The following LIPT1 variants were observed in gnomAD, a reference collection of about 807,000 sequenced individuals.
LIPT1 encodes the protein lipoyl amidotransferase LIPT1, mitochondrial.
LIPT1 carries 22 observed loss-of-function variants against 25.1 expected under a neutral mutation model. That is an observed-to-expected ratio of 0.88 (90% CI 0.63 to 1.25). LIPT1 has a LOEUF of 1.25. LIPT1 is among the 50% of genes most tolerant of loss of function. LIPT1 has a pLI of 0.00. For missense variants in LIPT1, 399 were observed against 432.8 expected, an observed-to-expected ratio of 0.92 and a Z score of 0.69; for synonymous variants, 131 against 150.8, an observed-to-expected ratio of 0.87 and a Z score of 0.96.
At chr2:99,159,021 C>T (rs1417221163) in intron 1 of LIPT1, among the ~76,000 whole-genome samples, 3 of 152,184 alleles carry the variant, frequency 2.0e-5, no homozygotes, top group African/African-American at 7.2e-5. Context: ...CTCCGCCTCC[C>T]GGGTTCACAC....
chr2:99,161,692 T>C (rs925941393), intron 1 of LIPT1: 2 of 321,088 alleles, frequency 6.2e-6, no homozygotes, highest in Non-Finnish European at 1.1e-5. Flanking sequence ...AAAAAAGATA[T>C]ATTACATAAT....
intron 1 of LIPT1, among the ~76,000 whole-genome samples, chr2:99,157,314 G>A (rs551078210): frequency 6.6e-6 from 1 of 152,272 alleles, no homozygotes; most frequent in South Asian, 2.1e-4. Flanking sequence ...GCCCCTACCT[G>A]AACTCTGGAT....
At chr2:99,156,964 C>T (rs1164550819) in intron 1 of LIPT1, among the ~76,000 whole-genome samples, 1 of 152,222 alleles carries the variant, frequency 6.6e-6, no homozygotes, top group Non-Finnish European at 1.5e-5. Flanking sequence ...AGGGAGAACC[C>T]TGTCATAACA....
chr2:99,162,938 AAATTC>A lies in LIPT1; in HGVS notation c.984_988del (p.Asn328LysfsTer6), dbSNP rs760268246. On this transcript the variant is annotated frameshift_variant, in exon 2 of 2. Coordinates refer to ENST00000651691, the MANE Select transcript of LIPT1 (RefSeq NM_145199.3). LOFTEE classifies it high-confidence loss of function. ...TGCCATTGGAAATACGTGACAAATT[AAATTC>A]AAGTCTTATTGGCAGTAAGTTTTGC... 6.2e-7 allele frequency: 1 copy of A among 1,613,958 alleles called. No individual in the cohort carries two copies. The highest frequency in any genetic ancestry group is 8.5e-7 in the Non-Finnish European group (1 of 1,179,970).
chr2:99,158,002 G>A (rs2632285), intron 1 of LIPT1, among the ~76,000 whole-genome samples: 141,130 of 152,270 alleles, frequency 0.93, 65,675 homozygotes, highest in Middle Eastern at 1. Flanking sequence ...ACTTTCTTCA[G>A]TGCCAGGCAC....
chr2:99,155,878 A>T (rs1298127462), intron 1 of LIPT1, among the ~76,000 whole-genome samples: 1 of 152,222 alleles, frequency 6.6e-6, no homozygotes, highest in Non-Finnish European at 1.5e-5. Context: ...CGTTCATATC[A>T]TGTAACTCAG....
Position 99,155,039 on chromosome 2 carries a change from C to T in LIPT1, c.-14C>T, listed in dbSNP as rs533919549. 1.1e-3 allele frequency: 483 copies of T among 455,834 alleles called. 3 individuals are homozygous for T. Among genetic ancestry groups the T allele is most frequent in the Non-Finnish European group, 1.7e-3 (377 of 226,712 alleles). 28.2% of individuals were successfully genotyped at this position (455,834 alleles called of 1,614,324 possible). A position where few individuals can be genotyped will look rare whatever the true frequency, so the allele number is the denominator to read the frequency against. On this transcript the variant is annotated 5_prime_UTR_variant, in exon 1 of 2. Transcript: ENST00000651691. Reference sequence around the variant, plus strand: ...AGCCCTCACGAGGCCGTGGGTACGACCGGAAGCCGCAGGTGGGTGAAGCGG... The same window carrying T: ...AGCCCTCACGAGGCCGTGGGTACGATCGGAAGCCGCAGGTGGGTGAAGCGG...
chr2:99,158,600 A>G (rs965419370), intron 1 of LIPT1, among the ~76,000 whole-genome samples: 3 of 152,142 alleles, frequency 2.0e-5, no homozygotes, highest in Admixed American at 6.5e-5. Flanking sequence ...GTTCTTTATA[A>G]TCTAACATCT....
chr2:99,162,509 T>G lies in LIPT1; in HGVS notation c.552T>G (p.Thr184=). ...ACCATTGCACTTTATTATGTAGTAC[T>G]GATGGGACGTTCTTGTCTTCTTTGC... ...AYHHCTLLCS[T]DGTFLSSLLK... The change falls in exon 2 of 2, where the codon ACT becomes ACG. Residue 184 remains threonine, a synonymous_variant. Transcript: ENST00000651691. The G allele has an allele frequency of 6.2e-7, 1 of 1,614,162 alleles. No individual in the cohort carries two copies.
intron 1 of LIPT1, among the ~76,000 whole-genome samples, chr2:99,161,123 C>G (rs1376290806): frequency 2.7e-5 from 4 of 150,662 alleles, no homozygotes; most frequent in Non-Finnish European, 5.9e-5. Context: ...AATTTAGCCA[C>G]ACGTGGTGGC....
In LIPT1 at chr2:99,162,007, G is replaced by A; in HGVS notation, c.50G>A (p.Cys17Tyr). The A allele has an allele frequency of 6.2e-7, 1 of 1,613,116 alleles. No individual in the cohort carries two copies. The highest frequency in any genetic ancestry group is 2.2e-5 in the East Asian group (1 of 44,838). ...MKNCFQLLCN[C>Y]QVPAAGFKKT... ...AATTGCTTCCAGTTACTTTGTAACT[G>A]CCAGGTCCCAGCAGCTGGCTTTAAA... The change falls in exon 2 of 2, where the codon TGC becomes TAC. Residue 17 changes from cysteine (C) to tyrosine (Y), a missense_variant. Coordinates refer to ENST00000651691, the MANE Select transcript of LIPT1 (RefSeq NM_145199.3).
At chr2:99,158,429 C>CA (rs753259893) in intron 1 of LIPT1, among the ~76,000 whole-genome samples, 82,968 of 97,116 alleles carry the variant, frequency 0.85, 35,180 homozygotes, top group Middle Eastern at 0.93. Context: ...TTCATCTCTA[C>CA]AAAAAAAAAA....
At chr2:99,160,539 T>C (rs2093779431) in intron 1 of LIPT1, among the ~76,000 whole-genome samples, 1 of 152,256 alleles carries the variant, frequency 6.6e-6, no homozygotes, top group Non-Finnish European at 1.5e-5. Flanking sequence ...TGGAATAGAA[T>C]GATTTAAGAC....
rs184808378 is a variant in LIPT1, at chr2:99,158,901, T to A, written c.-1-3056T>A. ...CCACTAGATTGTGGAGGTACTTGTTTCTTGAAGGCAAGGACAGGTTCACCT... is the reference window on the plus strand; with the variant it reads ...CCACTAGATTGTGGAGGTACTTGTTACTTGAAGGCAAGGACAGGTTCACCT... On this transcript the variant is annotated intron_variant, in intron 1 of 1. Transcript: ENST00000651691. Among the ~76,000 whole-genome samples the A allele has an allele frequency of 3.2e-3, 484 of 152,318 alleles. 2 individuals are homozygous for A. The highest frequency in any genetic ancestry group is 0.011 in the African/African-American group (473 of 41,568).
At position 99,162,924 on chromosome 2, in the gene LIPT1, A is replaced by G. The variant is rs745395682; in HGVS notation, c.967A>G (p.Ile323Val). Reference sequence around the variant, plus strand: ...ACCTGATCATTGGTTGCCATTGGAAATACGTGACAAATTAAATTCAAGTCT... The same window carrying G: ...ACCTGATCATTGGTTGCCATTGGAAGTACGTGACAAATTAAATTCAAGTCT... ...EAPDHWLPLE[I>V]RDKLNSSLIG... The change falls in exon 2 of 2, where the codon ATA (isoleucine) becomes GTA (valine). Residue 323 changes from isoleucine (I) to valine (V), a missense_variant. Ile to Val is a conservative substitution (Grantham distance 29, BLOSUM62 3). Transcript: ENST00000651691. 7 of 1,613,654 alleles carry G rather than the reference A, an allele frequency of 4.3e-6. No individual in the cohort carries two copies. The highest frequency in any genetic ancestry group is 1.6e-4 in the Middle Eastern group (1 of 6,080).
chr2:99,159,954 A>G (rs537445508), intron 1 of LIPT1, among the ~76,000 whole-genome samples: 1 of 152,356 alleles, frequency 6.6e-6, no homozygotes, highest in African/African-American at 2.4e-5. Context: ...TTGGTGACTC[A>G]GTTCAAGTAT....
chr2:99,159,834 T>A (rs1363964872), intron 1 of LIPT1, among the ~76,000 whole-genome samples: 1 of 152,180 alleles, frequency 6.6e-6, no homozygotes, highest in Non-Finnish European at 1.5e-5. Context: ...AGACTAGTAG[T>A]GTAACTCTTT....
rs1190753422 is a variant in LIPT1, at chr2:99,155,022, C to A, written c.-31C>A. On this transcript the variant is annotated 5_prime_UTR_variant, in exon 1 of 2. Coordinates refer to ENST00000651691, the MANE Select transcript of LIPT1 (RefSeq NM_145199.3). ...CGCACTTTTCCAGCTCGAGCCCTCA[C>A]GAGGCCGTGGGTACGACCGGAAGCC... 4.4e-6 allele frequency: 2 copies of A among 456,044 alleles called. No homozygotes were observed. The highest frequency in any genetic ancestry group is 1.5e-5 in the South Asian group (1 of 64,562). The allele number at this position is 456,044 out of a possible 1,614,324, so 28.2% of individuals were successfully genotyped here.
At position 99,162,698 on chromosome 2, in the gene LIPT1, A is replaced by G. The variant is rs768631423; in HGVS notation, c.741A>G (p.Leu247=). The change falls in exon 2 of 2, where the codon CTA becomes CTG. Residue 247 remains leucine (L), a synonymous_variant. Coordinates refer to ENST00000651691, the MANE Select transcript of LIPT1 (RefSeq NM_145199.3). ...AYHQIDNHIH[L]INPTDETLFP... ...ATCAAATTGATAATCACATTCACCT[A>G]ATAAACCCAACGGATGAGACACTGT... The G allele has an allele frequency of 4.3e-6, 7 of 1,614,202 alleles. No individual in the cohort carries two copies. The South Asian group carries it at 5.5e-5, about 13-fold the overall frequency.
Sources: allele counts gnomAD v4.1 joint callset (sites outside exome capture counted in the v4.1 genomes callset), GRCh38; gene constraint gnomAD v4.1.1; transcripts MANE v1.5; gene names NCBI Gene and HGNC (gene_info 2026-07-23, HGNC 2026-07-21).